The following AGBL3 variants were observed in gnomAD, a reference collection of about 807,000 sequenced individuals.
The protein encoded by AGBL3 is AGBL carboxypeptidase 3, also known as cytosolic carboxypeptidase 3.
AGBL3 carries 68 observed loss-of-function variants against 94.5 expected under a neutral mutation model. The observed-to-expected ratio is 0.72, with a 90% CI of 0.59 to 0.88. The LOEUF (loss-of-function observed/expected upper bound fraction) is 0.88. Among genes scored for constraint, AGBL3 ranks in the 40% least tolerant of loss-of-function variants. The pLI is 0.00. For missense variants in AGBL3, 934 were observed against 1,103.8 expected (o/e 0.85, Z 2.18); for synonymous variants, 354 against 370.7 (o/e 0.95, Z 0.52).
intron 5 of AGBL3, among the ~76,000 whole-genome samples, chr7:135,025,949 A>T (rs2116348068): frequency 6.6e-6 from 1 of 151,750 alleles, no homozygotes; most frequent in South Asian, 2.1e-4. Flanking sequence ...GACCTATAAA[A>T]AGACTTAGCC....
intron 7 of AGBL3, 112 bp downstream of exon 7, chr7:135,035,040 T>G: frequency 1.0e-6 from 1 of 956,248 alleles, no homozygotes; most frequent in Non-Finnish European, 1.5e-6. Context: ...GTCTAACTAC[T>G]GTATAACTAC....
At chr7:135,058,094 A>T (rs1213123254) in intron 11 of AGBL3, among the ~76,000 whole-genome samples, 1 of 152,212 alleles carries the variant, frequency 6.6e-6, no homozygotes. Context: ...ATAATGTATC[A>T]GTGTTGTTTA....
At chr7:134,989,145 TA>T in intron 2 of AGBL3, 104 bp from the exon 3 acceptor site, 1 of 717,680 alleles carries the variant, frequency 1.4e-6, no homozygotes. Context: ...TATTAAAGGT[TA>T]AAGACATATA....
chr7:135,099,428 T>A (rs1193664849), intron 15 of AGBL3, among the ~76,000 whole-genome samples: 2 of 152,234 alleles, frequency 1.3e-5, no homozygotes, highest in Non-Finnish European at 1.5e-5. Flanking sequence ...AAACTAGCCA[T>A]TAAATATATG....
chr7:135,004,542 A>G (rs757577511), intron 4 of AGBL3, among the ~76,000 whole-genome samples: 1 of 151,646 alleles, frequency 6.6e-6, no homozygotes. Flanking sequence ...TGTTTTAGAG[A>G]GACAGAGAAT....
At chr7:135,101,121 A>G (rs532536267) in intron 15 of AGBL3, 3 of 454,114 alleles carry the variant, frequency 6.6e-6, no homozygotes, top group Non-Finnish European at 8.9e-6. Context: ...GACCAACACA[A>G]ACATTTTTTA....
At chr7:135,003,472 A>G (rs1285928850) in intron 4 of AGBL3, among the ~76,000 whole-genome samples, 1 of 151,960 alleles carries the variant, frequency 6.6e-6, no homozygotes, top group Non-Finnish European at 1.5e-5. Context: ...TCTATATGGA[A>G]TCTAAAATAA....
At chr7:135,013,605 G>A (rs981251495) in intron 4 of AGBL3, among the ~76,000 whole-genome samples, 1 of 152,158 alleles carries the variant, frequency 6.6e-6, no homozygotes. Context: ...AGAAGACATT[G>A]TGGTTGACTC....
chr7:135,034,392 G>C lies in AGBL3; in HGVS notation c.801G>C (p.Arg267Ser). 6.4e-7 allele frequency: 1 copy of C among 1,551,624 alleles called. No homozygotes were observed. The highest frequency in any genetic ancestry group is 8.7e-7 in the Non-Finnish European group (1 of 1,146,972). The change falls in exon 7 of 17, where the codon AGG becomes AGC. Residue 267 changes from arginine (R) to serine (S), a missense_variant. Transcript: ENST00000436302. ...TAGGAGACCAAATCAAGTATTATAG[G>C]AACAACCCAGGCCAAGATGGGCGCC... is the stretch of plus-strand genomic sequence containing the variant. ...QRIGDQIKYY[R>S]NNPGQDGRHY...
At chr7:135,124,411 A>C (rs1282877742) in intron 16 of AGBL3, among the ~76,000 whole-genome samples, 1 of 152,180 alleles carries the variant, frequency 6.6e-6, no homozygotes, top group Non-Finnish European at 1.5e-5. Flanking sequence ...GTTCTTAGAG[A>C]CCCAAAAAGA....
chr7:135,094,294 G>A (rs1822315011), intron 15 of AGBL3: 2 of 444,860 alleles, frequency 4.5e-6, no homozygotes. Context: ...GGATCCATCA[G>A]AGAACTGAGG....
chr7:135,069,122 G>A (rs890731391), intron 12 of AGBL3, among the ~76,000 whole-genome samples: 2 of 152,134 alleles, frequency 1.3e-5, no homozygotes, highest in Non-Finnish European at 1.5e-5. Flanking sequence ...GATCAAAGGC[G>A]ACAAAGAAGG....
intron 8 of AGBL3, among the ~76,000 whole-genome samples, chr7:135,039,370 A>G (rs1816618214): frequency 6.6e-6 from 1 of 152,116 alleles, no homozygotes; most frequent in South Asian, 2.1e-4. Flanking sequence ...AAAATATGTA[A>G]CATGAAATTT....
At chr7:135,117,352 A>G (rs144458907) in intron 16 of AGBL3, among the ~76,000 whole-genome samples, 11 of 132,128 alleles carry the variant, frequency 8.3e-5, no homozygotes, top group African/African-American at 2.6e-4. Context: ...GCTTAAGAAC[A>G]GAACAGACAA....
chr7:135,023,461 T>C (rs78471498), intron 5 of AGBL3, among the ~76,000 whole-genome samples: 1,968 of 152,144 alleles, frequency 0.013, 38 homozygotes, highest in African/African-American at 0.045. Context: ...TTGCTGCAGA[T>C]TACTGGGATC....
chr7:135,105,713 G>C (rs1824602584), intron 15 of AGBL3, among the ~76,000 whole-genome samples: 1 of 151,870 alleles, frequency 6.6e-6, no homozygotes, highest in Admixed American at 6.6e-5. Context: ...TTGCTATTTG[G>C]GCTTTTGTTT....
chr7:134,997,593 A>G (rs1390922763), intron 4 of AGBL3, among the ~76,000 whole-genome samples: 1 of 152,182 alleles, frequency 6.6e-6, no homozygotes, highest in Non-Finnish European at 1.5e-5. Context: ...CCAGGGGTCA[A>G]AATTGATACT....
At chr7:135,026,649 T>A (rs1262747669) in intron 5 of AGBL3, among the ~76,000 whole-genome samples, 1 of 151,718 alleles carries the variant, frequency 6.6e-6, no homozygotes, top group African/African-American at 2.4e-5. Flanking sequence ...TTGAGAGTAA[T>A]ATAGTCAATA....
At chr7:135,016,736 G>C (rs1249407160) in intron 4 of AGBL3, among the ~76,000 whole-genome samples, 1 of 152,146 alleles carries the variant, frequency 6.6e-6, no homozygotes, top group Non-Finnish European at 1.5e-5. Flanking sequence ...TTTCCCAGAG[G>C]TGAGACAGAA....
Sources: gnomAD v4.1 joint callset for allele counts (sites outside exome capture counted in the v4.1 genomes callset) on GRCh38, gnomAD v4.1.1 for gene constraint, MANE v1.5 for transcripts, NCBI Gene and HGNC (gene_info 2026-07-23, HGNC 2026-07-21) for gene names.